DGKI: variants seen among roughly 807,000 people sequenced by gnomAD.
The protein encoded by DGKI is diacylglycerol kinase iota.
DGKI carries 55 observed loss-of-function variants against 147.5 expected under a neutral mutation model. The ratio of observed to expected loss-of-function variants is 0.37; its 90% CI spans 0.30 to 0.47. The LOEUF is 0.47. Ranked by LOEUF, DGKI falls within the 20% of genes least tolerant of loss-of-function variation. DGKI has a pLI of 1.00. For synonymous variants in DGKI, 469 were observed against 477.1 expected (o/e 0.98, Z 0.22); for missense variants, 1,007 against 1,323.8 (o/e 0.76, Z 3.71).
intron 2 of DGKI, among the ~76,000 whole-genome samples, chr7:137,679,928 C>CT (rs1175579566): frequency 6.9e-6 from 1 of 145,040 alleles, no homozygotes; most frequent in Non-Finnish European, 1.5e-5. Context: ...GAGGTGGAGG[C>CT]TGCAGTGAGC....
At position 137,832,633 on chromosome 7, in the gene DGKI, C is replaced by A. The variant is rs1401618069; in HGVS notation, c.401+13829G>T. Among the ~76,000 whole-genome samples, 3 of 152,344 alleles carry A rather than the reference C, an allele frequency of 2.0e-5. No homozygotes were observed. In the East Asian group the frequency reaches 5.8e-4, roughly 29 times the overall value. The stretch of plus-strand genomic sequence containing the variant: ...GCTGGGCCTGTGATAGGAGGGACAG[C>A]CATAAAGACCTCTGACATGCCCTGG... On this transcript the variant is annotated intron_variant, in intron 1 of 32. Transcript: ENST00000614521.
intron 1 of DGKI, among the ~76,000 whole-genome samples, chr7:137,841,562 G>C (rs558211054): frequency 1.3e-5 from 2 of 152,134 alleles, no homozygotes; most frequent in Non-Finnish European, 2.9e-5. Flanking sequence ...GTCTCCACAG[G>C]ATCAGTGTTA....
At chr7:137,795,992 T>C (rs191216216) in intron 1 of DGKI, among the ~76,000 whole-genome samples, 1 of 152,202 alleles carries the variant, frequency 6.6e-6, no homozygotes, top group South Asian at 2.1e-4. Flanking sequence ...CAACTACTAC[T>C]ACTACTAGTA....
At chr7:137,592,330 C>T (rs982100238) in intron 12 of DGKI, among the ~76,000 whole-genome samples, 2 of 152,198 alleles carry the variant, frequency 1.3e-5, no homozygotes, top group Admixed American at 1.3e-4. Context: ...CCTGATTGGG[C>T]CTAATGATTT....
At chr7:137,417,565 T>G (rs1465330440) in intron 28 of DGKI, among the ~76,000 whole-genome samples, 2 of 152,088 alleles carry the variant, frequency 1.3e-5, no homozygotes, top group Non-Finnish European at 1.5e-5. Flanking sequence ...GACATCCATG[T>G]GCGGAAGGAA....
chr7:137,694,554 A>G (rs1441361103), intron 1 of DGKI, among the ~76,000 whole-genome samples: 2 of 152,152 alleles, frequency 1.3e-5, no homozygotes, highest in Non-Finnish European at 2.9e-5. Context: ...AGCACCAGAG[A>G]ATCAGGAAGT....
chr7:137,504,159 T>A (rs12707361), intron 21 of DGKI, among the ~76,000 whole-genome samples: 5,195 of 152,230 alleles, frequency 0.034, 120 homozygotes, highest in Middle Eastern at 0.075. Context: ...GGGAGAAAAC[T>A]CACAGCAGTT....
chr7:137,787,974 G>C (rs1011102456), intron 1 of DGKI, among the ~76,000 whole-genome samples: 3 of 151,944 alleles, frequency 2.0e-5, no homozygotes, highest in African/African-American at 7.3e-5. Context: ...CAAAATCTCA[G>C]AAATCACCCC....
chr7:137,573,301 C>A (rs978015048), intron 17 of DGKI, among the ~76,000 whole-genome samples: 5 of 152,150 alleles, frequency 3.3e-5, no homozygotes, highest in Non-Finnish European at 7.4e-5. Flanking sequence ...TTTTTTGAGA[C>A]AATTTTTATT....
At position 137,846,452 on chromosome 7, in the gene DGKI, C is replaced by T. The variant is rs748085873; in HGVS notation, c.401+10G>A. 3 of 1,581,042 alleles carry T rather than the reference C, an allele frequency of 1.9e-6. No homozygotes were observed. Among genetic ancestry groups the T allele is most frequent in the Admixed American group, 3.4e-5 (2 of 58,896 alleles). ...CGCACCTGTCTCGGCTGCCGGCTCC[C>T]CGCACCTACCTGTACGAGACCTGCT... is the stretch of plus-strand genomic sequence containing the variant. On this transcript the variant is annotated intron_variant, in intron 1 of 32. Transcript: ENST00000614521. The surrounding 1 kb of genome is among the most constrained non-coding windows in gnomAD (Gnocchi z 4.0).
chr7:137,721,992 G>A (rs79261924), intron 1 of DGKI: 24 of 1,554,898 alleles, frequency 1.5e-5, no homozygotes, highest in Admixed American at 5.5e-5. Context: ...GCAAGATGGC[G>A]GGTGAAAAAG....
intron 17 of DGKI, 53 bp from the exon 18 acceptor site, chr7:137,572,891 C>T: frequency 2.2e-6 from 3 of 1,349,098 alleles, no homozygotes; most frequent in South Asian, 1.3e-5. Flanking sequence ...AGTCTAAAAA[C>T]CTATGAAAGA....
intron 1 of DGKI, among the ~76,000 whole-genome samples, chr7:137,693,927 A>G (rs1823694482): frequency 6.6e-6 from 1 of 152,224 alleles, no homozygotes; most frequent in Admixed American, 6.5e-5. Flanking sequence ...TTAAAATGGA[A>G]TCCCTTTGCC....
chr7:137,391,036 G>T lies in DGKI; in HGVS notation c.*184C>A. On this transcript the variant is annotated 3_prime_UTR_variant, in exon 33 of 33. Coordinates refer to ENST00000614521, the MANE Select transcript of DGKI (RefSeq NM_001321708.2). ...CCAGGTATCCTGCCTCCTTCTCAAT[G>T]GGCTATCATGTTCTGTTGTACATCT... is the stretch of plus-strand genomic sequence containing the variant. 1 of 591,798 alleles carries T rather than the reference G, an allele frequency of 1.7e-6. No homozygotes were observed. The highest frequency in any genetic ancestry group is 3.0e-6 in the Non-Finnish European group (1 of 333,790). 36.7% of individuals were successfully genotyped at this position (591,798 alleles called of 1,614,324 possible). A position where few individuals can be genotyped will look rare whatever the true frequency, so the allele number is the denominator to read the frequency against.
At chr7:137,625,703 G>A (rs1456862063) in intron 6 of DGKI, among the ~76,000 whole-genome samples, 1 of 145,874 alleles carries the variant, frequency 6.9e-6, no homozygotes, top group African/African-American at 2.6e-5. Context: ...TTTGTGACCA[G>A]CCTAGGCAAC....
rs201222516 is a variant in DGKI at position 137,553,142 on chromosome 7, G to A, written c.1948-574C>T. ...TTATATGTTTCAAATCTAAATTTAA[G>A]CATGTTAGTTTAATACAAAGCTTTT... On this transcript the variant is annotated intron_variant, in intron 19 of 32. Coordinates refer to ENST00000614521, the MANE Select transcript of DGKI (RefSeq NM_001321708.2). Among the ~76,000 whole-genome samples, 42 of 152,168 alleles carry A rather than the reference G, an allele frequency of 2.8e-4. No homozygotes were observed. In the East Asian group the frequency reaches 7.5e-3, roughly 27 times the overall value.
intron 1 of DGKI, among the ~76,000 whole-genome samples, chr7:137,819,487 T>G (rs930781066): frequency 6.6e-6 from 1 of 152,018 alleles, no homozygotes; most frequent in Non-Finnish European, 1.5e-5. Context: ...ATTTTTTGTA[T>G]TTTTAGTAGA....
chr7:137,412,286 T>A, intron 28 of DGKI, 79 bp from the exon 29 acceptor site: 1 of 1,343,392 alleles, frequency 7.4e-7, no homozygotes, highest in South Asian at 1.2e-5. Flanking sequence ...GATCCATATT[T>A]TGGATAAGTA....
chr7:137,582,647 A>G (rs904393554), intron 14 of DGKI, among the ~76,000 whole-genome samples: 2 of 152,100 alleles, frequency 1.3e-5, no homozygotes, highest in African/African-American at 2.4e-5. Flanking sequence ...ACAGATACAC[A>G]TGGAAGCTTT....
Sources: allele counts gnomAD v4.1 joint callset (sites outside exome capture counted in the v4.1 genomes callset), GRCh38; gene constraint gnomAD v4.1.1; non-coding constraint Gnocchi (gnomAD v3.1); transcripts MANE v1.5; gene names NCBI Gene and HGNC (gene_info 2026-07-23, HGNC 2026-07-21).